The following ZBED4 variants were observed in gnomAD, a reference collection of about 807,000 sequenced individuals.
ZBED4 encodes zinc finger BED-type containing 4.
In ZBED4, 4 loss-of-function variants were observed where a neutral mutation model predicts 15.5. The ratio of observed to expected loss-of-function variants is 0.26; its 90% CI spans 0.13 to 0.59. The LOEUF (loss-of-function observed/expected upper bound fraction) is 0.59. Ranked by LOEUF, ZBED4 falls within the 20% of genes least tolerant of loss-of-function variation. The pLI, the probability that ZBED4 is intolerant of heterozygous loss-of-function variation, is 0.90. For synonymous variants in ZBED4, 692 were observed against 608.5 expected (o/e 1.14, Z -2.02); for missense variants, 1,323 against 1,461.8 (o/e 0.91, Z 1.55).
At chr22:49,877,956 T>A (rs779297875) in intron 1 of ZBED4, among the ~76,000 whole-genome samples, 1 of 152,222 alleles carries the variant, frequency 6.6e-6, no homozygotes, top group Non-Finnish European at 1.5e-5. Flanking sequence ...TATCACAATT[T>A]GTCTTCTAGT....
At chr22:49,858,959 T>C (rs2060286135) in intron 1 of ZBED4, among the ~76,000 whole-genome samples, 1 of 152,128 alleles carries the variant, frequency 6.6e-6, no homozygotes, top group African/African-American at 2.4e-5. Flanking sequence ...TGCTGCACTG[T>C]GGGCGGAGGC....
chr22:49,865,506 A>C (rs2060318399), intron 1 of ZBED4, among the ~76,000 whole-genome samples: 1 of 151,918 alleles, frequency 6.6e-6, no homozygotes, highest in Non-Finnish European at 1.5e-5. Context: ...AAAAAAAAAA[A>C]TAATAACCCG....
In ZBED4 at chr22:49,853,846, A is replaced by C. The variant is rs1267401045; in HGVS notation, c.-473A>C. ...CCGCGCGGGGCCCTGGGAGGGGCGC[A>C]GCGTCCGGCGGCGTCGCGGGCGGCG... On this transcript the variant is annotated 5_prime_UTR_variant, in exon 1 of 2. Coordinates refer to ENST00000216268, the MANE Select transcript of ZBED4 (RefSeq NM_014838.3). 7.0e-6 allele frequency: 1 copy of C among 142,590 alleles called. No individual in the cohort carries two copies. The highest frequency in any genetic ancestry group is 1.5e-5 in the Non-Finnish European group (1 of 64,708). The allele number at this position is 142,590 out of a possible 1,614,324, so 8.8% of individuals were successfully genotyped here.
At chr22:49,858,117 G>A (rs1215451215) in intron 1 of ZBED4, among the ~76,000 whole-genome samples, 1 of 151,770 alleles carries the variant, frequency 6.6e-6, no homozygotes, top group East Asian at 1.9e-4. Context: ...GGCCAGGCTG[G>A]TCTCAAACTC....
At chr22:49,875,402 T>C (rs971856631) in intron 1 of ZBED4, among the ~76,000 whole-genome samples, 4 of 149,584 alleles carry the variant, frequency 2.7e-5, no homozygotes, top group Non-Finnish European at 4.4e-5. Flanking sequence ...TTCATCTGAG[T>C]TGCATAATTT....
At chr22:49,854,832 ACT>A (rs1241458176) in intron 1 of ZBED4, among the ~76,000 whole-genome samples, 1 of 151,826 alleles carries the variant, frequency 6.6e-6, no homozygotes, top group African/African-American at 2.4e-5. Context: ...TTTGAAGTTA[ACT>A]CTGATCAGAT....
intron 1 of ZBED4, among the ~76,000 whole-genome samples, chr22:49,871,255 A>T (rs1001335679): frequency 1.3e-5 from 2 of 151,416 alleles, no homozygotes; most frequent in African/African-American, 4.8e-5. Context: ...TTGGGAGGCC[A>T]AGGCAGGTGG....
intron 1 of ZBED4, among the ~76,000 whole-genome samples, chr22:49,865,633 C>T (rs1555922945): frequency 6.6e-6 from 1 of 152,040 alleles, no homozygotes; most frequent in Non-Finnish European, 1.5e-5. Flanking sequence ...AGAGATCACA[C>T]CACTGCACTC....
At chr22:49,879,623 C>T (rs1043304954) in intron 1 of ZBED4, among the ~76,000 whole-genome samples, 1 of 134,812 alleles carries the variant, frequency 7.4e-6, no homozygotes, top group Non-Finnish European at 1.6e-5. Flanking sequence ...TGGTTTTTCT[C>T]CTGGTCAGTG....
At position 49,885,052 on chromosome 22, in the gene ZBED4, C is replaced by G; in HGVS notation, c.1390C>G (p.His464Asp). The G allele has an allele frequency of 6.2e-7, 1 of 1,612,068 alleles. No homozygotes were observed. The highest frequency in any genetic ancestry group is 8.5e-7 in the Non-Finnish European group (1 of 1,179,056). Residue 464 changes from histidine to aspartate, a missense_variant, in exon 2 of 2, where the codon CAC becomes GAC. By Grantham distance (81) the His-to-Asp change is moderately conservative. Coordinates refer to ENST00000216268, the MANE Select transcript of ZBED4 (RefSeq NM_014838.3). ...MKRLKSEVWH[H>D]FSLAPMDSLK... ...AAGACTGAAGTCGGAGGTCTGGCAT[C>G]ACTTCTCCCTGGCCCCCATGGACAG...
Position 49,884,802 on chromosome 22 carries a change from C to A in ZBED4, c.1140C>A (p.Val380=). The change falls in exon 2 of 2, where the codon GTC becomes GTA. Residue 380 remains valine (V), a synonymous_variant. Transcript: ENST00000216268. ...TGTCCTCGTCTCCAGTAAAGCCGGT[C>A]AGAGAGTCCCCTTCGGCCTCCTCCT... is the stretch of plus-strand genomic sequence containing the variant. ...SSVSSSPVKP[V]RESPSASSSP... The A allele has an allele frequency of 6.2e-7, 1 of 1,609,790 alleles. No homozygotes were observed. Among genetic ancestry groups the A allele is most frequent in the South Asian group, 1.1e-5 (1 of 90,830 alleles).
At position 49,884,893 on chromosome 22, in the gene ZBED4, G is replaced by A. The variant is rs151212072; in HGVS notation, c.1231G>A (p.Val411Met). ...CCCTGGAGATGGGCTGATGGAAGAC[G>A]TGGCGGCCTTCTCATCTTCCGATGA... ...LNPGDGLMED[V>M]AAFSSSDDIG... The change falls in exon 2 of 2, where the codon GTG becomes ATG. Residue 411 changes from valine to methionine, a missense_variant. Val to Met is a conservative substitution (Grantham distance 21). Coordinates refer to ENST00000216268, the MANE Select transcript of ZBED4 (RefSeq NM_014838.3). The A allele has an allele frequency of 2.6e-4, 413 of 1,603,340 alleles. 2 individuals carry two copies. The African/African-American group carries it at 4.7e-3, about 18-fold the overall frequency.
At chr22:49,857,955 G>A (rs554960075) in intron 1 of ZBED4, among the ~76,000 whole-genome samples, 1 of 151,270 alleles carries the variant, frequency 6.6e-6, no homozygotes, top group Non-Finnish European at 1.5e-5. Context: ...GTAGAGACGG[G>A]GTTTCACCAT....
intron 1 of ZBED4, among the ~76,000 whole-genome samples, chr22:49,879,957 C>T (rs376172847): frequency 2.1e-3 from 313 of 149,354 alleles, no homozygotes; most frequent in Non-Finnish European, 3.9e-3. Flanking sequence ...GTTGGTTTTT[C>T]TCCTGGTCAG....
chr22:49,865,937 C>A (rs1047909085), intron 1 of ZBED4, among the ~76,000 whole-genome samples: 1 of 151,128 alleles, frequency 6.6e-6, no homozygotes, highest in Admixed American at 6.6e-5. Context: ...GTCTCAAACT[C>A]CCAGCTTCAA....
chr22:49,881,019 T>C (rs2060406850), intron 1 of ZBED4, among the ~76,000 whole-genome samples: 1 of 152,246 alleles, frequency 6.6e-6, no homozygotes, highest in Non-Finnish European at 1.5e-5. Context: ...CTTTCATGCA[T>C]GCTTTTGGAC....
At chr22:49,875,192 G>A (rs2060369761) in intron 1 of ZBED4, among the ~76,000 whole-genome samples, 1 of 151,520 alleles carries the variant, frequency 6.6e-6, no homozygotes, top group Non-Finnish European at 1.5e-5. Context: ...AGAATTGGGA[G>A]GTGTTTCTTC....
At chr22:49,879,151 AAAC>A (rs761752143) in intron 1 of ZBED4, among the ~76,000 whole-genome samples, 29 of 148,412 alleles carry the variant, frequency 2.0e-4, no homozygotes, top group African/African-American at 6.6e-4. Context: ...CTCAAAAAAA[AAAC>A]AAAAAACAAA....
chr22:49,869,350 G>A (rs921600202), intron 1 of ZBED4, among the ~76,000 whole-genome samples: 6 of 152,182 alleles, frequency 3.9e-5, no homozygotes, highest in East Asian at 1.9e-4. Flanking sequence ...TCGTACCCGC[G>A]TGGTGGTTAT....
Sources: allele counts gnomAD v4.1 joint callset (sites outside exome capture counted in the v4.1 genomes callset), GRCh38; gene constraint gnomAD v4.1.1; transcripts MANE v1.5; gene names NCBI Gene and HGNC (gene_info 2026-07-23, HGNC 2026-07-21).